RBFOX1: variants seen among roughly 807,000 people sequenced by gnomAD.
The protein encoded by RBFOX1 is RNA binding fox-1 homolog 1, also known as RNA binding protein fox-1 homolog 1.
Under a neutral mutation model 57.7 loss-of-function variants are expected in RBFOX1, and 8 were observed. That is an observed-to-expected ratio of 0.14 (90% CI 0.08 to 0.25). RBFOX1 has a LOEUF of 0.25. RBFOX1 is among the 10% of genes least tolerant of loss of function. The pLI is 1.00. For synonymous variants in RBFOX1, 326 were observed against 222.4 expected, an observed-to-expected ratio of 1.47 and a Z score of -4.15; for missense variants, 611 against 548.5, an observed-to-expected ratio of 1.11 and a Z score of -1.14.
intron 14 of RBFOX1, among the ~76,000 whole-genome samples, chr16:7,707,844 G>C (rs2082987901): frequency 6.6e-6 from 1 of 152,050 alleles, no homozygotes; most frequent in Non-Finnish European, 1.5e-5. Context: ...TGACCTACTT[G>C]CCCCTCTCTT....
At chr16:6,792,049 G>C (rs186845193) in intron 3 of RBFOX1, among the ~76,000 whole-genome samples, 2 of 151,964 alleles carry the variant, frequency 1.3e-5, no homozygotes, top group Admixed American at 1.3e-4. Flanking sequence ...CCTGAATTGC[G>C]TTTCACGAAC....
intron 3 of RBFOX1, among the ~76,000 whole-genome samples, chr16:6,969,487 C>A (rs768241741): frequency 9.9e-5 from 15 of 152,018 alleles, no homozygotes; most frequent in Non-Finnish European, 2.2e-4. Flanking sequence ...GTAATCCCAG[C>A]ACTTCAGGAG....
At chr16:6,153,115 T>C (rs990828966) in intron 1 of RBFOX1, among the ~76,000 whole-genome samples, 1 of 151,226 alleles carries the variant, frequency 6.6e-6, no homozygotes, top group African/African-American at 2.4e-5. Flanking sequence ...GTTACATGAG[T>C]GAGTTCTTGA....
chr16:5,392,451 C>G (rs936568192), intron 1 of RBFOX1, among the ~76,000 whole-genome samples: 4 of 151,786 alleles, frequency 2.6e-5, no homozygotes, highest in African/African-American at 7.3e-5. Flanking sequence ...GTGTAAAATT[C>G]TAAACATAAC....
chr16:5,682,378 T>C (rs1376884746), intron 3 of RBFOX1, among the ~76,000 whole-genome samples: 1 of 152,182 alleles, frequency 6.6e-6, no homozygotes, highest in Non-Finnish European at 1.5e-5. Flanking sequence ...TAAAATGTGG[T>C]AATCGATGGA....
chr16:6,484,098 C>T (rs1163028715), intron 2 of RBFOX1, among the ~76,000 whole-genome samples: 2 of 152,128 alleles, frequency 1.3e-5, no homozygotes, highest in Non-Finnish European at 2.9e-5. Context: ...ACTTCCTTGC[C>T]AATGCTCATT....
chr16:5,615,494 C>T (rs936625253), intron 3 of RBFOX1, among the ~76,000 whole-genome samples: 2 of 152,212 alleles, frequency 1.3e-5, no homozygotes, highest in Non-Finnish European at 2.9e-5. Context: ...TTTAGCCTCT[C>T]CCCATAGACA....
At chr16:6,158,385 A>C (rs1185339433) in intron 1 of RBFOX1, among the ~76,000 whole-genome samples, 1 of 152,160 alleles carries the variant, frequency 6.6e-6, no homozygotes, top group Non-Finnish European at 1.5e-5. Context: ...GTCAATAGTG[A>C]AGGAAATAAT....
chr16:7,529,696 C>T (rs145015853), intron 5 of RBFOX1, among the ~76,000 whole-genome samples: 7 of 152,146 alleles, frequency 4.6e-5, no homozygotes, highest in East Asian at 1.9e-4. Flanking sequence ...CAACTTCTGA[C>T]TTAATCTTGG....
chr16:5,454,895 TTTCTTTCTTTCTTTC>T, intron 1 of RBFOX1, among the ~76,000 whole-genome samples: 1 of 116,530 alleles, frequency 8.6e-6, no homozygotes, highest in Non-Finnish European at 1.9e-5. Flanking sequence ...TCTTTCTTTC[TTTCTTTCTTTCTTTC>T]TTTCCTTTGT....
chr16:6,735,715 G>A (rs940918162), intron 3 of RBFOX1, among the ~76,000 whole-genome samples: 3 of 152,120 alleles, frequency 2.0e-5, no homozygotes, highest in African/African-American at 7.2e-5. Flanking sequence ...AACTGAATTT[G>A]GTTATGAAAA....
intron 3 of RBFOX1, among the ~76,000 whole-genome samples, chr16:5,810,723 A>C (rs564195986): frequency 6.6e-6 from 1 of 152,294 alleles, no homozygotes; most frequent in Admixed American, 6.5e-5. Flanking sequence ...CCCATTTGGG[A>C]CTAAGACCTC....
intron 11 of RBFOX1, among the ~76,000 whole-genome samples, chr16:7,641,226 T>G (rs535229321): frequency 4.6e-5 from 7 of 152,200 alleles, no homozygotes; most frequent in Non-Finnish European, 1.0e-4. Context: ...GGCTGCTGCT[T>G]CTTCCCTTGC....
intron 4 of RBFOX1, among the ~76,000 whole-genome samples, chr16:7,516,585 C>T (rs1031419198): frequency 1.3e-5 from 2 of 152,134 alleles, no homozygotes; most frequent in Non-Finnish European, 2.9e-5. Flanking sequence ...ATAGGCACAC[C>T]CTCCATGGCC....
chr16:7,065,447 A>G (rs1227183984), intron 4 of RBFOX1, among the ~76,000 whole-genome samples: 1 of 152,068 alleles, frequency 6.6e-6, no homozygotes, highest in African/African-American at 2.4e-5. Flanking sequence ...ATGGTTTTGC[A>G]TGGGTTTTTC....
At chr16:7,364,590 CA>C (rs796271662) in intron 4 of RBFOX1, among the ~76,000 whole-genome samples, 188 of 122,768 alleles carry the variant, frequency 1.5e-3, no homozygotes, top group Middle Eastern at 8.3e-3. Context: ...AAAAAAAAAA[CA>C]AAAAAAAAAA....
chr16:7,275,111 C>G (rs1405743380), intron 4 of RBFOX1, among the ~76,000 whole-genome samples: 1 of 152,046 alleles, frequency 6.6e-6, no homozygotes, highest in Admixed American at 6.6e-5. Context: ...CCATCTGTCT[C>G]TGAGCTTTTG....
intron 4 of RBFOX1, among the ~76,000 whole-genome samples, chr16:7,324,625 G>A (rs1449612677): frequency 1.3e-5 from 2 of 152,208 alleles, no homozygotes; most frequent in Non-Finnish European, 2.9e-5. Flanking sequence ...AGTCAGTCTG[G>A]CTTTCAGAGG....
At chr16:6,941,048 G>C (rs1357197286) in intron 3 of RBFOX1, among the ~76,000 whole-genome samples, 9 of 151,980 alleles carry the variant, frequency 5.9e-5, no homozygotes, top group Non-Finnish European at 1.2e-4. Context: ...ACGCCTATGT[G>C]CGTGTACGTA....
Sources: gnomAD v4.1 joint callset for allele counts (sites outside exome capture counted in the v4.1 genomes callset) on GRCh38, gnomAD v4.1.1 for gene constraint, MANE v1.5 for transcripts, NCBI Gene and HGNC (gene_info 2026-07-23, HGNC 2026-07-21) for gene names.